The following ZDHHC15 variants were observed in gnomAD, a reference collection of about 807,000 sequenced individuals.
ZDHHC15 encodes palmitoyltransferase ZDHHC15.
Under a neutral mutation model 31.7 loss-of-function variants are expected in ZDHHC15, and 19 were observed. The observed-to-expected ratio is 0.60, with a 90% CI of 0.42 to 0.88. The LOEUF (loss-of-function observed/expected upper bound fraction) is 0.88. ZDHHC15 is among the 40% of genes least tolerant of loss of function. The pLI, the probability that ZDHHC15 is intolerant of heterozygous loss-of-function variation, is 0.00. For synonymous variants in ZDHHC15, 103 were observed against 90.0 expected, an observed-to-expected ratio of 1.14 and a Z score of -0.82; for missense variants, 209 against 251.2, an observed-to-expected ratio of 0.83 and a Z score of 1.14.
At chrX:75,433,912 C>T (rs1182323384) in intron 4 of ZDHHC15, among the ~76,000 whole-genome samples, 8 of 111,004 alleles carry the variant, frequency 7.2e-5, no homozygotes, top group African/African-American at 2.3e-4. Context: ...TTTAAGGAAT[C>T]TCCATACTGT....
chrX:75,460,305 G>A lies in ZDHHC15; in HGVS notation c.259-9383C>T, dbSNP rs1185475055. 4.5e-5 allele frequency among the ~76,000 whole-genome samples: 5 copies of A among 111,440 alleles called. No homozygotes were observed. The East Asian group carries it at 8.5e-4, about 19-fold the overall frequency. On this transcript the variant is annotated intron_variant, in intron 3 of 11. Transcript: ENST00000373367. ...AACTTTCCCTGGGATGGAGCTTCCA[G>A]GGGGAGGGGTGGCTGTTATCTCTGT... is the stretch of plus-strand genomic sequence containing the variant.
chrX:75,371,822 A>G lies in ZDHHC15; in HGVS notation c.*1156T>C, dbSNP rs2083008264. The G allele has an allele frequency of 8.9e-6, 1 of 112,149 alleles. No individual in the cohort carries two copies. The highest frequency in any genetic ancestry group is 1.9e-5 in the Non-Finnish European group (1 of 53,258). 9.2% of individuals were successfully genotyped at this position (112,149 alleles called of 1,213,427 possible). A position where few individuals can be genotyped will look rare whatever the true frequency, so the allele number is the denominator to read the frequency against. Reference sequence around the variant, plus strand: ...CATTGATTCAGGCACTAGGACTAAAAGAAAGGCTGATTATAAATAAATGGG... The same window carrying G: ...CATTGATTCAGGCACTAGGACTAAAGGAAAGGCTGATTATAAATAAATGGG... On this transcript the variant is annotated 3_prime_UTR_variant, in exon 12 of 12. Transcript: ENST00000373367.
intron 2 of ZDHHC15, among the ~76,000 whole-genome samples, chrX:75,494,038 C>A (rs749942586): frequency 9.0e-6 from 1 of 111,460 alleles, no homozygotes; most frequent in Non-Finnish European, 1.9e-5. Flanking sequence ...AAAACCCTAT[C>A]ATCTCAGGCC....
At chrX:75,384,569 T>C (rs2083159733) in intron 10 of ZDHHC15, 1 of 802,319 alleles carries the variant, frequency 1.2e-6, no homozygotes, top group East Asian at 3.2e-5. Flanking sequence ...GTTGGCATTG[T>C]TGTAAACAAA....
chrX:75,505,785 C>A (rs751271345), intron 2 of ZDHHC15, 36 bp downstream of exon 2: 2 of 1,200,127 alleles, frequency 1.7e-6, no homozygotes, highest in African/African-American at 1.8e-5. Context: ...AAAAAGGACA[C>A]GGTCCTGATC....
chrX:75,413,808 C>T (rs2083513660), intron 10 of ZDHHC15, among the ~76,000 whole-genome samples: 1 of 109,750 alleles, frequency 9.1e-6, no homozygotes, highest in Non-Finnish European at 1.9e-5. Flanking sequence ...TAAGATTACT[C>T]CCAGCCCCCG....
At chrX:75,408,549 G>A (rs1033646774) in intron 10 of ZDHHC15, among the ~76,000 whole-genome samples, 2 of 112,084 alleles carry the variant, frequency 1.8e-5, no homozygotes, top group Non-Finnish European at 3.8e-5. Flanking sequence ...ACAAGATGAG[G>A]AGGCCCACTT....
chrX:75,417,855 T>C (rs754810710), intron 9 of ZDHHC15, among the ~76,000 whole-genome samples: 3 of 112,074 alleles, frequency 2.7e-5, no homozygotes, highest in Non-Finnish European at 5.6e-5. Context: ...GAGGCTACAG[T>C]TTGAACATTT....
intron 4 of ZDHHC15, among the ~76,000 whole-genome samples, chrX:75,441,689 TCTC>T (rs1330872354): frequency 1.9e-5 from 2 of 105,726 alleles, no homozygotes; most frequent in Admixed American, 1.0e-4. Context: ...AGTGGCGTGA[TCTC>T]CTCTCACTGC....
chrX:75,417,482 T>C (rs996280135), intron 9 of ZDHHC15, among the ~76,000 whole-genome samples: 6 of 111,938 alleles, frequency 5.4e-5, no homozygotes, highest in African/African-American at 9.7e-5. Context: ...TTCATACATA[T>C]CACTTAATGA....
chrX:75,501,368 G>C (rs2085083928), intron 2 of ZDHHC15: 1 of 111,884 alleles, frequency 8.9e-6, no homozygotes, highest in African/African-American at 3.2e-5. Context: ...TGGGCATTTA[G>C]GTTGATTCCA....
chrX:75,500,970 A>C (rs2085078823), intron 2 of ZDHHC15, among the ~76,000 whole-genome samples: 1 of 110,437 alleles, frequency 9.1e-6, no homozygotes. Context: ...TTTATTTTTA[A>C]AGTTTTATTT....
At chrX:75,389,106 A>G (rs2083213153) in intron 10 of ZDHHC15, among the ~76,000 whole-genome samples, 1 of 111,447 alleles carries the variant, frequency 9.0e-6, no homozygotes, top group East Asian at 2.8e-4. Flanking sequence ...CTGCCCTGTC[A>G]CAGCAGAAAG....
intron 9 of ZDHHC15, among the ~76,000 whole-genome samples, chrX:75,421,411 A>ATAATATATATATAAT (rs1491488470): frequency 0.046 from 1,211 of 26,052 alleles, 188 homozygotes; most frequent in East Asian, 0.35. Flanking sequence ...ATATATATAT[A>ATAATATATATATAAT]ATATATATAT....
intron 2 of ZDHHC15, among the ~76,000 whole-genome samples, chrX:75,489,787 T>C (rs1372854175): frequency 8.9e-6 from 1 of 111,799 alleles, no homozygotes; most frequent in African/African-American, 3.3e-5. Flanking sequence ...ACAATCGAAC[T>C]ACTCCGAGCT....
At chrX:75,446,961 TCAAA>T (rs2084042048) in intron 4 of ZDHHC15, among the ~76,000 whole-genome samples, 1 of 111,945 alleles carries the variant, frequency 8.9e-6, no homozygotes, top group African/African-American at 3.2e-5. Flanking sequence ...ATTTTAATAA[TCAAA>T]CAGACAGAAT....
chrX:75,402,097 T>G (rs757355618), intron 10 of ZDHHC15, among the ~76,000 whole-genome samples: 1 of 112,235 alleles, frequency 8.9e-6, no homozygotes, highest in African/African-American at 3.2e-5. Context: ...TGCTCAAAAC[T>G]ATACAATTAC....
chrX:75,462,309 C>A (rs749076186), intron 3 of ZDHHC15, among the ~76,000 whole-genome samples: 2 of 112,240 alleles, frequency 1.8e-5, no homozygotes, highest in African/African-American at 3.2e-5. Flanking sequence ...GACTTATATT[C>A]TAACACAGTA....
At chrX:75,507,028 C>G (rs1292318285) in intron 1 of ZDHHC15, among the ~76,000 whole-genome samples, 1 of 110,804 alleles carries the variant, frequency 9.0e-6, no homozygotes, top group Non-Finnish European at 1.9e-5. Context: ...GGAGTGGGAG[C>G]CGGTGAATTC....
Sources: gnomAD v4.1 joint callset for allele counts (sites outside exome capture counted in the v4.1 genomes callset) on GRCh38, gnomAD v4.1.1 for gene constraint, MANE v1.5 for transcripts, NCBI Gene and HGNC (gene_info 2026-07-23, HGNC 2026-07-21) for gene names.